CDH13: variants seen among roughly 807,000 people sequenced by gnomAD.
CDH13 encodes cadherin 13, also known as cadherin-13.
Under a neutral mutation model 63.8 loss-of-function variants are expected in CDH13, and 24 were observed. The observed-to-expected ratio is 0.38, with a 90% confidence interval of 0.27 to 0.53. The LOEUF (loss-of-function observed/expected upper bound fraction) is 0.53, where lower values mean the gene tolerates loss of function less well. Ranked by LOEUF, CDH13 falls within the 20% of genes least tolerant of loss-of-function variation. The pLI is 0.85. For synonymous variants in CDH13, 503 were observed against 355.3 expected (o/e 1.42, Z -4.67); for missense variants, 1,049 against 903.1 (o/e 1.16, Z -2.07).
chr16:83,489,496 T>G (rs1482958703), intron 7 of CDH13, among the ~76,000 whole-genome samples: 1 of 152,206 alleles, frequency 6.6e-6, no homozygotes, highest in African/African-American at 2.4e-5. Flanking sequence ...TAGGCAAGCT[T>G]TGGCTAGTTC....
intron 2 of CDH13, among the ~76,000 whole-genome samples, chr16:82,888,461 A>G (rs1567632540): frequency 1.3e-5 from 2 of 152,200 alleles, no homozygotes; most frequent in Non-Finnish European, 2.9e-5. Context: ...TACAGGGCAA[A>G]TGCCCCAGTG....
chr16:83,710,499 T>C (rs1033212227), intron 10 of CDH13: 4 of 152,020 alleles, frequency 2.6e-5, no homozygotes, highest in African/African-American at 9.7e-5. Context: ...TTGGTGCCTC[T>C]TTTTAAGAGG....
intron 5 of CDH13, among the ~76,000 whole-genome samples, chr16:83,241,471 C>T (rs1904441107): frequency 6.6e-6 from 1 of 152,088 alleles, no homozygotes. Context: ...GTGACAATTT[C>T]TTCATGTCTT....
chr16:83,040,695 C>T (rs926692786), intron 3 of CDH13, among the ~76,000 whole-genome samples: 2 of 152,156 alleles, frequency 1.3e-5, no homozygotes, highest in Admixed American at 1.3e-4. Context: ...TTTGGCAACA[C>T]CCTCACAGAA....
At chr16:82,809,142 T>C (rs1044202259) in intron 1 of CDH13, among the ~76,000 whole-genome samples, 32 of 152,228 alleles carry the variant, frequency 2.1e-4, no homozygotes, top group African/African-American at 7.7e-4. Context: ...AGTGGCTCTG[T>C]AAAATTTCAC....
At chr16:82,929,749 C>G (rs4485359) in intron 2 of CDH13, among the ~76,000 whole-genome samples, 50,529 of 145,572 alleles carry the variant, frequency 0.35, 9,424 homozygotes, top group Non-Finnish European at 0.43. Context: ...GTGCCTTGAT[C>G]TTGTACTTCC....
chr16:82,877,404 A>T (rs2040541764), intron 2 of CDH13, among the ~76,000 whole-genome samples: 1 of 152,206 alleles, frequency 6.6e-6, no homozygotes, highest in Admixed American at 6.5e-5. Flanking sequence ...GTTTCTGTGA[A>T]CAATTAAGTC....
chr16:83,567,861 C>A (rs1278496671), intron 7 of CDH13, among the ~76,000 whole-genome samples: 1 of 152,202 alleles, frequency 6.6e-6, no homozygotes, highest in Non-Finnish European at 1.5e-5. Context: ...TCCCAAAGTG[C>A]TGGGATTACA....
intron 1 of CDH13, among the ~76,000 whole-genome samples, chr16:82,713,087 C>T (rs764737324): frequency 6.6e-6 from 1 of 151,620 alleles, no homozygotes; most frequent in South Asian, 2.1e-4. Context: ...TTAGGGAAGG[C>T]AAAGGACGTT....
At chr16:82,627,247 C>A in intron 1 of CDH13, 110 bp downstream of exon 1, 6 of 913,122 alleles carry the variant, frequency 6.6e-6, no homozygotes, top group Non-Finnish European at 1.1e-5. Flanking sequence ...CCGGTCGCGG[C>A]GGCGAAGACA....
At chr16:82,843,730 A>ACATT (rs2039130536) in intron 1 of CDH13, among the ~76,000 whole-genome samples, 4 of 152,382 alleles carry the variant, frequency 2.6e-5, no homozygotes, top group African/African-American at 9.6e-5. Flanking sequence ...TGTCTGGCAG[A>ACATT]GAAGAAAGTG....
At chr16:83,775,577 G>C (rs1293449086) in intron 11 of CDH13, among the ~76,000 whole-genome samples, 5 of 152,134 alleles carry the variant, frequency 3.3e-5, no homozygotes, top group Non-Finnish European at 7.4e-5. Context: ...TCCCATTCTA[G>C]CTCCATTTCT....
intron 7 of CDH13, among the ~76,000 whole-genome samples, chr16:83,490,008 A>G (rs2073973606): frequency 1.1e-5 from 1 of 91,584 alleles, no homozygotes; most frequent in Non-Finnish European, 2.2e-5. Flanking sequence ...AGCTGCAGAA[A>G]CCACACACAC....
chr16:83,284,564 G>A (rs1277391717), intron 5 of CDH13, among the ~76,000 whole-genome samples: 1 of 152,048 alleles, frequency 6.6e-6, no homozygotes, highest in Non-Finnish European at 1.5e-5. Flanking sequence ...AAGGAGGGAG[G>A]AAACTAACAT....
intron 10 of CDH13, among the ~76,000 whole-genome samples, chr16:83,683,758 T>C (rs1904276952): frequency 6.6e-6 from 1 of 152,246 alleles, no homozygotes; most frequent in East Asian, 1.9e-4. Context: ...TGAGCAAAAG[T>C]ATTACTGTGT....
chr16:82,771,308 G>A (rs1325668993), intron 1 of CDH13, among the ~76,000 whole-genome samples: 1 of 152,154 alleles, frequency 6.6e-6, no homozygotes, highest in Admixed American at 6.5e-5. Flanking sequence ...TATATACAGA[G>A]CACTGGGCTA....
intron 1 of CDH13, among the ~76,000 whole-genome samples, chr16:82,708,815 C>A (rs1352171607): frequency 1.3e-5 from 2 of 152,308 alleles, no homozygotes; most frequent in African/African-American, 4.8e-5. Flanking sequence ...ACACAACTTG[C>A]ACAGTGTGAA....
At chr16:82,876,019 C>T (rs1161282203) in intron 2 of CDH13, among the ~76,000 whole-genome samples, 1 of 152,160 alleles carries the variant, frequency 6.6e-6, no homozygotes, top group African/African-American at 2.4e-5. Context: ...AGAATTTGTG[C>T]AGGGGAACTC....
chr16:83,137,479 G>C (rs961946001), intron 4 of CDH13, among the ~76,000 whole-genome samples: 3 of 152,090 alleles, frequency 2.0e-5, no homozygotes, highest in African/African-American at 7.2e-5. Flanking sequence ...TCGTGTCTTC[G>C]TTTAACAAAT....
Sources: allele counts gnomAD v4.1 joint callset (sites outside exome capture counted in the v4.1 genomes callset), GRCh38; gene constraint gnomAD v4.1.1; transcripts MANE v1.5; gene names NCBI Gene and HGNC (gene_info 2026-07-23, HGNC 2026-07-21).